The following FHIT variants were observed in gnomAD, a reference collection of about 807,000 sequenced individuals.
The protein encoded by FHIT is fragile histidine triad diadenosine triphosphatase.
A neutral mutation model predicts 17.9 loss-of-function variants in FHIT; 19 were observed. The observed-to-expected ratio is 1.06, with a 90% CI of 0.74 to 1.56. FHIT has a LOEUF of 1.56. FHIT is among the 40% of genes most tolerant of loss of function. The probability of loss-of-function intolerance (pLI) is 0.00; values close to 1 mark genes in which losing one functional copy is unlikely to be tolerated. For missense variants in FHIT, 248 were observed against 189.2 expected, an observed-to-expected ratio of 1.31 and a Z score of -1.82; for synonymous variants, 81 against 69.7, an observed-to-expected ratio of 1.16 and a Z score of -0.81.
At chr3:60,838,276 G>T (rs1011325721) in intron 3 of FHIT, among the ~76,000 whole-genome samples, 1 of 151,954 alleles carries the variant, frequency 6.6e-6, no homozygotes, top group Admixed American at 6.6e-5. Context: ...AGTTCGCGAC[G>T]AACCTGGGCA....
chr3:60,381,760 C>A (rs1343198543), intron 5 of FHIT, among the ~76,000 whole-genome samples: 2 of 150,468 alleles, frequency 1.3e-5, no homozygotes, highest in Non-Finnish European at 3.0e-5. Flanking sequence ...TGTTTTTTTT[C>A]TCCTATCCTC....
chr3:60,287,091 A>G (rs543504378), intron 5 of FHIT, among the ~76,000 whole-genome samples: 1 of 152,316 alleles, frequency 6.6e-6, no homozygotes, highest in Non-Finnish European at 1.5e-5. Context: ...TTAAATGTTG[A>G]ACTCAGTCAG....
In FHIT at chr3:60,786,433, A is replaced by C. The variant is rs1700578157; in HGVS notation, c.-18+35486T>G. 1.3e-5 allele frequency among the ~76,000 whole-genome samples: 2 copies of C among 152,218 alleles called. 1 individual carries two copies. The highest frequency in any genetic ancestry group is 4.1e-4 in the South Asian group (2 of 4,832). ...ATTTCAGGAAGCACTGCAGTGTAATATGCTTAAGAATGGAGATGGTTCAAA... is the reference window on the plus strand; with the variant it reads ...ATTTCAGGAAGCACTGCAGTGTAATCTGCTTAAGAATGGAGATGGTTCAAA... On this transcript the variant is annotated intron_variant, in intron 4 of 9. Transcript: ENST00000492590.
intron 3 of FHIT, among the ~76,000 whole-genome samples, chr3:60,983,835 A>G (rs946981322): frequency 6.6e-6 from 1 of 152,190 alleles, no homozygotes; most frequent in Admixed American, 6.5e-5. Flanking sequence ...TGTCTGGCTG[A>G]GCCCAAGTAC....
At chr3:60,383,105 A>C (rs1700872790) in intron 5 of FHIT, among the ~76,000 whole-genome samples, 1 of 152,202 alleles carries the variant, frequency 6.6e-6, no homozygotes, top group South Asian at 2.1e-4. Flanking sequence ...TACTAAAATG[A>C]ATTGGCATTG....
At chr3:60,171,741 T>C (rs868531208) in intron 5 of FHIT, among the ~76,000 whole-genome samples, 3 of 152,306 alleles carry the variant, frequency 2.0e-5, no homozygotes, top group South Asian at 4.1e-4. Flanking sequence ...CTGTCCTGTA[T>C]ACAGCCCAGG....
Position 60,151,831 on chromosome 3 carries a change from A to G in FHIT, c.104-137679T>C, listed in dbSNP as rs575310061. On this transcript the variant is annotated intron_variant, in intron 5 of 9. Transcript: ENST00000492590. ...AAAGTTTTTCCTAGACCTCCTAACA[A>G]AAATAAGGCCCCTTTCCTAATACTC... Among the ~76,000 whole-genome samples the G allele has an allele frequency of 1.2e-3, 177 of 152,144 alleles. 2 individuals carry two copies. The highest frequency in any genetic ancestry group is 2.0e-3 in the Non-Finnish European group (139 of 68,032).
At chr3:60,817,050 G>A (rs1701765260) in intron 4 of FHIT, among the ~76,000 whole-genome samples, 1 of 151,254 alleles carries the variant, frequency 6.6e-6, no homozygotes, top group African/African-American at 2.4e-5. Flanking sequence ...GTTTTTCTAG[G>A]AATTAAAACA....
intron 3 of FHIT, among the ~76,000 whole-genome samples, chr3:60,884,243 G>A (rs1362643302): frequency 6.6e-6 from 1 of 152,152 alleles, no homozygotes; most frequent in Non-Finnish European, 1.5e-5. Flanking sequence ...AGTAAAAGAG[G>A]AATGCTAGTG....
At chr3:59,956,369 A>AAAAAAG (rs2107326140) in intron 7 of FHIT, among the ~76,000 whole-genome samples, 1 of 144,482 alleles carries the variant, frequency 6.9e-6, no homozygotes, top group Non-Finnish European at 1.5e-5. Context: ...CCTATTTGCC[A>AAAAAAG]AAAAAGAAAA....
intron 8 of FHIT, among the ~76,000 whole-genome samples, chr3:59,830,042 C>T (rs1051988234): frequency 3.3e-5 from 5 of 152,120 alleles, no homozygotes; most frequent in Non-Finnish European, 5.9e-5. Flanking sequence ...CACCACTGCA[C>T]TCCAGCCTGG....
chr3:61,242,051 G>A (rs1421491443), intron 1 of FHIT, among the ~76,000 whole-genome samples: 4 of 152,030 alleles, frequency 2.6e-5, no homozygotes, highest in Admixed American at 6.5e-5. Flanking sequence ...ATGAAATTAC[G>A]GTGCTGGGTA....
chr3:61,180,871 CT>C (rs1213443954), intron 2 of FHIT, among the ~76,000 whole-genome samples: 1 of 152,134 alleles, frequency 6.6e-6, no homozygotes, highest in South Asian at 2.1e-4. Flanking sequence ...ACCAGTCAAT[CT>C]TTATGTGGAG....
chr3:60,448,326 A>C (rs1048405675), intron 5 of FHIT, among the ~76,000 whole-genome samples: 1 of 151,958 alleles, frequency 6.6e-6, no homozygotes, highest in Non-Finnish European at 1.5e-5. Flanking sequence ...AGATGGAGTC[A>C]AAAAAAATCA....
intron 2 of FHIT, among the ~76,000 whole-genome samples, chr3:61,196,859 T>C (rs953645121): frequency 1.3e-5 from 2 of 152,024 alleles, no homozygotes; most frequent in African/African-American, 4.8e-5. Flanking sequence ...GGGAAGAAAG[T>C]AGGGAAGAAT....
chr3:60,423,044 T>C (rs1027732970), intron 5 of FHIT, among the ~76,000 whole-genome samples: 8 of 152,194 alleles, frequency 5.3e-5, no homozygotes, highest in Non-Finnish European at 8.8e-5. Context: ...TGGGACAGAA[T>C]ATGGTTATAG....
At chr3:60,881,994 C>T (rs996826323) in intron 3 of FHIT, among the ~76,000 whole-genome samples, 3 of 151,782 alleles carry the variant, frequency 2.0e-5, no homozygotes, top group African/African-American at 4.8e-5. Flanking sequence ...TAACAAACCA[C>T]GAGCTAAACT....
intron 5 of FHIT, among the ~76,000 whole-genome samples, chr3:60,105,295 G>T (rs527725867): frequency 3.4e-4 from 51 of 152,224 alleles, no homozygotes; most frequent in African/African-American, 1.2e-3. Context: ...AGATTTCATT[G>T]TTACTCTACA....
intron 5 of FHIT, among the ~76,000 whole-genome samples, chr3:60,228,285 A>C (rs1027862846): frequency 6.6e-5 from 10 of 152,198 alleles, no homozygotes; most frequent in Admixed American, 1.3e-4. Context: ...AAAGAAAATT[A>C]GTGGTTGCCA....
Sources: allele counts gnomAD v4.1 joint callset (sites outside exome capture counted in the v4.1 genomes callset), GRCh38; gene constraint gnomAD v4.1.1; transcripts MANE v1.5; gene names NCBI Gene and HGNC (gene_info 2026-07-23, HGNC 2026-07-21).